The following RGS6 variants were observed in gnomAD, a reference collection of about 807,000 sequenced individuals.
The protein encoded by RGS6 is regulator of G-protein signaling 6.
A neutral mutation model predicts 78.5 loss-of-function variants in RGS6; 30 were observed. The observed-to-expected ratio is 0.38, with a 90% CI of 0.29 to 0.52. The LOEUF (loss-of-function observed/expected upper bound fraction) is 0.52. RGS6 is among the 20% of genes least tolerant of loss of function. The pLI, the probability that RGS6 is intolerant of heterozygous loss-of-function variation, is 0.85. For synonymous variants in RGS6, 206 were observed against 206.0 expected, an observed-to-expected ratio of 1.00 and a Z score of 0.00; for missense variants, 495 against 609.7, an observed-to-expected ratio of 0.81 and a Z score of 1.98.
At chr14:72,498,238 A>G (rs1312719558) in intron 13 of RGS6, among the ~76,000 whole-genome samples, 3 of 151,920 alleles carry the variant, frequency 2.0e-5, no homozygotes, top group Non-Finnish European at 2.9e-5. Flanking sequence ...GATTTTTTTC[A>G]TAGTTTATAT....
intron 12 of RGS6, among the ~76,000 whole-genome samples, chr14:72,479,627 A>G (rs1365749086): frequency 2.0e-5 from 3 of 152,232 alleles, no homozygotes; most frequent in Admixed American, 6.5e-5. Flanking sequence ...ACACTGAGGT[A>G]CTGATCACTC....
chr14:72,521,006 C>T (rs1247727928), intron 15 of RGS6, among the ~76,000 whole-genome samples: 1 of 152,194 alleles, frequency 6.6e-6, no homozygotes, highest in South Asian at 2.1e-4. Flanking sequence ...AATCTAGGCA[C>T]TTAGAGTGTT....
At position 71,936,015 on chromosome 14, in the gene RGS6, GATAT is replaced by G. The variant is rs55686505; in HGVS notation, c.-21+3097_-21+3100del. 6.9e-4 allele frequency among the ~76,000 whole-genome samples: 44 copies of G among 63,786 alleles called. 2 individuals are homozygous for G. Among genetic ancestry groups the G allele is most frequent in the Middle Eastern group, 8.8e-3 (1 of 114 alleles). The allele number at this position is 63,786 out of a possible 152,430, so 41.8% of individuals were successfully genotyped here. On this transcript the variant is annotated intron_variant, in intron 1 of 17. Transcript: ENST00000553525. ...TCTCTTAGAGGGACAGAACTAATAG[GATAT>G]ATATATATATATATATATATATGTA... is the stretch of plus-strand genomic sequence containing the variant.
At chr14:72,628,661 A>G in the RGS6 span, among the ~76,000 whole-genome samples, 1 of 152,054 alleles carries the variant, frequency 6.6e-6, no homozygotes, top group Non-Finnish European at 1.5e-5. Context: ...AGAGAGATGG[A>G]GACAGAGTTG....
At chr14:72,270,487 T>C (rs2059777593) in intron 2 of RGS6, among the ~76,000 whole-genome samples, 1 of 152,212 alleles carries the variant, frequency 6.6e-6, no homozygotes, top group Non-Finnish European at 1.5e-5. Context: ...ACAATTAACA[T>C]GCAGCCAGAC....
chr14:72,529,473 A>G (rs929066569), intron 15 of RGS6, among the ~76,000 whole-genome samples: 1 of 152,138 alleles, frequency 6.6e-6, no homozygotes, highest in Admixed American at 6.5e-5. Flanking sequence ...TCACCTTGGT[A>G]TCTGGCTTTG....
At chr14:71,882,547 G>A in the RGS6 span, among the ~76,000 whole-genome samples, 1 of 152,230 alleles carries the variant, frequency 6.6e-6, no homozygotes, top group Admixed American at 6.5e-5. Flanking sequence ...ACAATGAAGT[G>A]CTAGGTGCTG....
chr14:72,518,240 C>T (rs1344058567), intron 14 of RGS6, 111 bp from the exon 15 acceptor site: 6 of 1,002,776 alleles, frequency 6.0e-6, no homozygotes, highest in Non-Finnish European at 9.0e-6. Context: ...TCAGGGCAGG[C>T]TGAGAGATGC....
intron 2 of RGS6, among the ~76,000 whole-genome samples, chr14:71,985,537 G>A (rs2094671253): frequency 2.0e-5 from 3 of 152,212 alleles, no homozygotes; most frequent in Admixed American, 2.0e-4. Context: ...TGCATGACCT[G>A]TGTTACAACT....
At chr14:72,062,093 G>A (rs1048199904) in intron 2 of RGS6, among the ~76,000 whole-genome samples, 2 of 152,246 alleles carry the variant, frequency 1.3e-5, no homozygotes, top group Non-Finnish European at 2.9e-5. Flanking sequence ...AGTGCAAGGT[G>A]TGTGATCTCA....
intron 2 of RGS6, among the ~76,000 whole-genome samples, chr14:72,216,452 A>C (rs1255431536): frequency 6.6e-6 from 1 of 152,206 alleles, no homozygotes; most frequent in African/African-American, 2.4e-5. Flanking sequence ...CAACACGAGG[A>C]ATTATCAGTC....
intron 7 of RGS6, 107 bp from the exon 8 acceptor site, chr14:72,469,900 T>G: frequency 1.3e-6 from 1 of 758,602 alleles, no homozygotes; most frequent in Non-Finnish European, 2.3e-6. Flanking sequence ...GTCTTGCTAT[T>G]TTGTTGGAAG....
intron 13 of RGS6, among the ~76,000 whole-genome samples, chr14:72,507,914 G>A (rs2096829175): frequency 6.6e-6 from 1 of 152,188 alleles, no homozygotes. Context: ...TGCAGTCTCT[G>A]GGGCTTAAAT....
chr14:72,195,789 C>T (rs937418107), intron 2 of RGS6, among the ~76,000 whole-genome samples: 32 of 152,182 alleles, frequency 2.1e-4, no homozygotes. Flanking sequence ...CCCTGTGTGC[C>T]CACGGAAACA....
intron 2 of RGS6, among the ~76,000 whole-genome samples, chr14:72,329,968 G>A (rs528724654): frequency 2.6e-5 from 4 of 152,336 alleles, no homozygotes; most frequent in African/African-American, 9.6e-5. Flanking sequence ...AAACTTTCAA[G>A]TAGAGTGAAG....
intron 2 of RGS6, among the ~76,000 whole-genome samples, chr14:72,081,863 C>CT (rs200376380): frequency 2.0e-5 from 3 of 151,280 alleles, no homozygotes; most frequent in African/African-American, 2.4e-5. Flanking sequence ...TAATTTTTTA[C>CT]TTTTTTTTTC....
the RGS6 span, among the ~76,000 whole-genome samples, chr14:71,919,674 TGTTA>T: frequency 1.1e-3 from 175 of 152,276 alleles, no homozygotes; most frequent in Middle Eastern, 3.4e-3. Flanking sequence ...CCAGAGGATT[TGTTA>T]GTTAGCATAA....
chr14:72,414,822 G>C lies in RGS6; in HGVS notation c.185-39706G>C, dbSNP rs56935126. Among the ~76,000 whole-genome samples the C allele has an allele frequency of 7.9e-3, 1,201 of 152,326 alleles. 43 individuals are homozygous for C. Among genetic ancestry groups the C allele is most frequent in the East Asian group, 0.052 (270 of 5,186 alleles). On this transcript the variant is annotated intron_variant, in intron 3 of 17. Coordinates refer to ENST00000553525, the MANE Select transcript of RGS6 (RefSeq NM_001204424.2). ...TGGAGTTTGCTGGAGGTCCACTCCA[G>C]AGCCTGTTTACCTGCGTATCAGCAG...
chr14:72,487,486 T>A (rs1251421978), intron 12 of RGS6, among the ~76,000 whole-genome samples: 2 of 152,206 alleles, frequency 1.3e-5, no homozygotes, highest in Non-Finnish European at 2.9e-5. Context: ...GCTAATCAGT[T>A]CACCTTAAAA....
Sources: gnomAD v4.1 joint callset for allele counts (sites outside exome capture counted in the v4.1 genomes callset) on GRCh38, gnomAD v4.1.1 for gene constraint, MANE v1.5 for transcripts, NCBI Gene and HGNC (gene_info 2026-07-23, HGNC 2026-07-21) for gene names.